CDH13: variants seen among roughly 807,000 people sequenced by gnomAD.
CDH13 encodes the protein cadherin-13.
In CDH13, 24 loss-of-function variants were observed where a neutral mutation model predicts 63.8. The ratio of observed to expected loss-of-function variants is 0.38; its 90% confidence interval spans 0.27 to 0.53. CDH13 has a LOEUF of 0.53. Ranked by LOEUF, CDH13 falls within the 20% of genes least tolerant of loss-of-function variation. The probability of loss-of-function intolerance (pLI) is 0.85; values close to 1 mark genes in which losing one functional copy is unlikely to be tolerated. For missense variants in CDH13, 1,049 were observed against 903.1 expected (o/e 1.16, Z -2.07); for synonymous variants, 503 against 355.3 (o/e 1.42, Z -4.67).
intron 8 of CDH13, among the ~76,000 whole-genome samples, chr16:83,648,696 C>G (rs895589247): frequency 6.6e-6 from 1 of 152,144 alleles, no homozygotes; most frequent in Non-Finnish European, 1.5e-5. Flanking sequence ...TTATTTAAGA[C>G]AAAGAAAATT....
At chr16:83,106,327 C>G (rs1430713199) in intron 3 of CDH13, among the ~76,000 whole-genome samples, 2 of 152,086 alleles carry the variant, frequency 1.3e-5, no homozygotes, top group South Asian at 2.1e-4. Flanking sequence ...ATCATGAGGT[C>G]AGGAGTTCGA....
At chr16:83,404,079 CA>C (rs1279638110) in intron 6 of CDH13, among the ~76,000 whole-genome samples, 1 of 152,162 alleles carries the variant, frequency 6.6e-6, no homozygotes, top group East Asian at 1.9e-4. Context: ...AAAAATCCCA[CA>C]AAAAATGTTC....
At chr16:83,742,960 C>A (rs377477691) in intron 10 of CDH13, among the ~76,000 whole-genome samples, 4 of 152,296 alleles carry the variant, frequency 2.6e-5, no homozygotes, top group African/African-American at 9.6e-5. Context: ...GTAATCCCAG[C>A]ACTTTGGGAG....
chr16:82,903,909 T>G lies in CDH13; in HGVS notation c.157+45436T>G, dbSNP rs545902785. On this transcript the variant is annotated intron_variant, in intron 2 of 13. Transcript: ENST00000567109. ...GTGGCAAGTCACAATGGGGCCCCAG[T>G]TCTGTCTGCTCTAAAGCCCAGTCTG... Among the ~76,000 whole-genome samples, 183 of 152,308 alleles carry G rather than the reference T, an allele frequency of 1.2e-3. No homozygotes were observed. The Middle Eastern group carries it at 0.014, about 11-fold the overall frequency.
At chr16:82,687,903 A>C (rs549228827) in intron 1 of CDH13, among the ~76,000 whole-genome samples, 3 of 152,146 alleles carry the variant, frequency 2.0e-5, no homozygotes, top group African/African-American at 7.2e-5. Flanking sequence ...AGGAGCTTCA[A>C]GGGGATCCAA....
chr16:82,802,014 G>A (rs1444312987), intron 1 of CDH13, among the ~76,000 whole-genome samples: 1 of 152,180 alleles, frequency 6.6e-6, no homozygotes, highest in Non-Finnish European at 1.5e-5. Context: ...TGGGCGGGTG[G>A]GGCTCAGTTC....
chr16:83,469,537 A>G (rs963322889), intron 6 of CDH13, among the ~76,000 whole-genome samples: 2 of 152,098 alleles, frequency 1.3e-5, no homozygotes, highest in East Asian at 3.9e-4. Flanking sequence ...GGTGAGCCAC[A>G]TTTCCTGATA....
chr16:83,333,334 T>C (rs755354461), intron 5 of CDH13, among the ~76,000 whole-genome samples: 2 of 152,182 alleles, frequency 1.3e-5, no homozygotes, highest in Non-Finnish European at 2.9e-5. Flanking sequence ...TCTAGTATAC[T>C]GCATCCACAT....
intron 1 of CDH13, among the ~76,000 whole-genome samples, chr16:82,706,606 C>A (rs1234348845): frequency 6.6e-6 from 1 of 151,300 alleles, no homozygotes; most frequent in African/African-American, 2.4e-5. Flanking sequence ...ACCAGCCTGG[C>A]CAACATGGTG....
rs544298712 is a variant in CDH13, at chr16:83,684,188, G to A, written c.1538+5727G>A. Among the ~76,000 whole-genome samples the A allele has an allele frequency of 9.9e-5, 15 of 152,158 alleles. No homozygotes were observed. The South Asian group carries it at 2.1e-3, about 21-fold the overall frequency. Reference sequence around the variant, plus strand: ...TCGAGACCAGCCTGGCCAACATGACGAAACGCCATCTCTACTAAAAATACA... The same window carrying A: ...TCGAGACCAGCCTGGCCAACATGACAAAACGCCATCTCTACTAAAAATACA... On this transcript the variant is annotated intron_variant, in intron 10 of 13. Transcript: ENST00000567109.
chr16:83,402,528 T>C (rs577344299), intron 6 of CDH13, among the ~76,000 whole-genome samples: 1 of 152,370 alleles, frequency 6.6e-6, no homozygotes, highest in South Asian at 2.1e-4. Context: ...TGGCCTTCTC[T>C]TCATCACTTG....
chr16:83,762,639 G>A (rs1453882371), intron 11 of CDH13, among the ~76,000 whole-genome samples: 3 of 152,188 alleles, frequency 2.0e-5, no homozygotes, highest in Non-Finnish European at 4.4e-5. Flanking sequence ...TCCCACTGGG[G>A]ACGGCCACAG....
At chr16:83,392,695 C>T (rs1289529413) in intron 6 of CDH13, among the ~76,000 whole-genome samples, 2 of 152,236 alleles carry the variant, frequency 1.3e-5, no homozygotes, top group Admixed American at 6.5e-5. Flanking sequence ...AGAAAAGACG[C>T]TGGGAGTACA....
chr16:82,792,721 G>A (rs531359964), intron 1 of CDH13, among the ~76,000 whole-genome samples: 1 of 152,284 alleles, frequency 6.6e-6, no homozygotes, highest in East Asian at 1.9e-4. Flanking sequence ...TATTTCTTGT[G>A]TTCCTCTTAT....
chr16:83,056,523 A>G (rs1354181934), intron 3 of CDH13, among the ~76,000 whole-genome samples: 1 of 152,212 alleles, frequency 6.6e-6, no homozygotes, highest in East Asian at 1.9e-4. Flanking sequence ...TAGGCATAAC[A>G]TTGCATGAAA....
chr16:82,870,289 G>T (rs192733729), intron 2 of CDH13, among the ~76,000 whole-genome samples: 1 of 152,188 alleles, frequency 6.6e-6, no homozygotes, highest in Admixed American at 6.5e-5. Context: ...CAGTTAAAAT[G>T]GCTTTTATCC....
At chr16:82,815,506 T>C (rs1165833301) in intron 1 of CDH13, among the ~76,000 whole-genome samples, 2 of 152,162 alleles carry the variant, frequency 1.3e-5, no homozygotes, top group Non-Finnish European at 2.9e-5. Context: ...TGGAAAACAC[T>C]CCCTACATGG....
At chr16:82,793,344 C>G (rs1411604568) in intron 1 of CDH13, among the ~76,000 whole-genome samples, 2 of 151,412 alleles carry the variant, frequency 1.3e-5, no homozygotes, top group Non-Finnish European at 2.9e-5. Flanking sequence ...AAGTTCGGGC[C>G]AGGAGCCAAG....
chr16:83,780,909 C>T (rs1350858307), intron 12 of CDH13, among the ~76,000 whole-genome samples: 1 of 152,162 alleles, frequency 6.6e-6, no homozygotes, highest in African/African-American at 2.4e-5. Flanking sequence ...AGAGGCTTTT[C>T]GTGGTGTACC....
Sources: allele counts gnomAD v4.1 joint callset (sites outside exome capture counted in the v4.1 genomes callset), GRCh38; gene constraint gnomAD v4.1.1; transcripts MANE v1.5; gene names NCBI Gene and HGNC (gene_info 2026-07-23, HGNC 2026-07-21).